The following GRID2 variants were observed in gnomAD, a reference collection of about 807,000 sequenced individuals.
GRID2 encodes the protein glutamate receptor ionotropic, delta-2.
In GRID2, 33 loss-of-function variants were observed where a neutral mutation model predicts 114.8. The observed-to-expected ratio is 0.29, with a 90% CI of 0.22 to 0.38. The LOEUF (loss-of-function observed/expected upper bound fraction) is 0.38. GRID2 is among the 10% of genes least tolerant of loss of function. GRID2 has a pLI of 1.00. For missense variants in GRID2, 1,184 were observed against 1,257.7 expected (o/e 0.94, Z 0.89); for synonymous variants, 505 against 449.9 (o/e 1.12, Z -1.55).
In GRID2 at chr4:92,705,968, CATT is replaced by C. The variant is rs528723025; in HGVS notation, c.244+115687_244+115689del. On this transcript the variant is annotated intron_variant, in intron 2 of 15. Coordinates refer to ENST00000282020, the MANE Select transcript of GRID2 (RefSeq NM_001510.4). ...CCAGGTCCCTGAACTCCAGCATTCT[CATT>C]ATTAGAGTGAAACGTTAGTGACAAA... is the stretch of plus-strand genomic sequence containing the variant. Among the ~76,000 whole-genome samples the C allele has an allele frequency of 4.8e-3, 727 of 152,240 alleles. 8 individuals carry two copies. The highest frequency in any genetic ancestry group is 0.015 in the African/African-American group (630 of 41,544).
intron 1 of GRID2, among the ~76,000 whole-genome samples, chr4:92,411,341 T>C (rs1731288931): frequency 6.6e-6 from 1 of 152,190 alleles, no homozygotes; most frequent in East Asian, 1.9e-4. Flanking sequence ...TTGCTTCATA[T>C]TTACCTTAAT....
intron 1 of GRID2, among the ~76,000 whole-genome samples, chr4:92,498,872 T>G (rs1723527425): frequency 6.7e-6 from 1 of 150,292 alleles, no homozygotes. Context: ...ATCATGGAAA[T>G]TTGAATTTAT....
chr4:92,870,342 G>A (rs1387046715), intron 2 of GRID2, among the ~76,000 whole-genome samples: 2 of 151,802 alleles, frequency 1.3e-5, no homozygotes, highest in Non-Finnish European at 2.9e-5. Flanking sequence ...TTCCACAGGA[G>A]TTTAAGCTCC....
In GRID2 at chr4:93,342,651, T is replaced by G. The variant is rs369673868; in HGVS notation, c.1246-52956T>G. Among the ~76,000 whole-genome samples, 137 of 152,294 alleles carry G rather than the reference T, an allele frequency of 9.0e-4. 1 individual carries two copies. The highest frequency in any genetic ancestry group is 3.1e-3 in the African/African-American group (130 of 41,564). On this transcript the variant is annotated intron_variant, in intron 8 of 15. Coordinates refer to ENST00000282020, the MANE Select transcript of GRID2 (RefSeq NM_001510.4). ...AGGAATAGGCACTAAAATGAATGAT[T>G]TGTATATAAAACCTAGTATTAAAAT...
chr4:92,532,854 C>G (rs564832138), intron 1 of GRID2, among the ~76,000 whole-genome samples: 1 of 152,210 alleles, frequency 6.6e-6, no homozygotes, highest in Admixed American at 6.5e-5. Context: ...AGGAAGATTG[C>G]TTGAGCCCAG....
chr4:92,308,323 T>C (rs1725519487), intron 1 of GRID2, among the ~76,000 whole-genome samples: 1 of 152,188 alleles, frequency 6.6e-6, no homozygotes, highest in Non-Finnish European at 1.5e-5. Context: ...AAATTAGCTG[T>C]CCTCAGTTAT....
At chr4:92,450,892 C>A (rs1720889726) in intron 1 of GRID2, among the ~76,000 whole-genome samples, 1 of 140,710 alleles carries the variant, frequency 7.1e-6, no homozygotes, top group African/African-American at 2.7e-5. Flanking sequence ...AATAAATATT[C>A]AAATAAAATA....
chr4:92,611,018 CTGTGTGTG>C (rs34268472), intron 2 of GRID2, among the ~76,000 whole-genome samples: 16 of 146,700 alleles, frequency 1.1e-4, no homozygotes, highest in Non-Finnish European at 2.3e-4. Context: ...ATTGAATAGT[CTGTGTGTG>C]TGTGTGTGTG....
chr4:93,582,260 G>A (rs764335298), intron 13 of GRID2, among the ~76,000 whole-genome samples: 4 of 152,132 alleles, frequency 2.6e-5, no homozygotes, highest in Non-Finnish European at 2.9e-5. Flanking sequence ...CAACAGCATC[G>A]TATCATCCAA....
At chr4:93,549,299 A>C (rs1343900774) in intron 13 of GRID2, among the ~76,000 whole-genome samples, 1 of 152,220 alleles carries the variant, frequency 6.6e-6, no homozygotes, top group Non-Finnish European at 1.5e-5. Context: ...GGATGTAGAG[A>C]ATACTCTTTG....
chr4:92,836,413 TAAG>T (rs1243442833), intron 2 of GRID2, among the ~76,000 whole-genome samples: 1 of 152,108 alleles, frequency 6.6e-6, no homozygotes, highest in Non-Finnish European at 1.5e-5. Context: ...TTAGTATTAT[TAAG>T]AAAATAGTTT....
At chr4:92,475,116 T>G (rs1722234805) in intron 1 of GRID2, among the ~76,000 whole-genome samples, 1 of 124,290 alleles carries the variant, frequency 8.0e-6, no homozygotes, top group African/African-American at 3.4e-5. Flanking sequence ...ACTTAAAGTA[T>G]AATAATAATA....
chr4:93,053,586 T>A (rs1379242049), intron 2 of GRID2, among the ~76,000 whole-genome samples: 1 of 151,972 alleles, frequency 6.6e-6, no homozygotes, highest in Non-Finnish European at 1.5e-5. Context: ...GGCATGCATT[T>A]TAAAGAAAAG....
At position 93,750,770 on chromosome 4, in the gene GRID2, G is replaced by C. The variant is rs139762735; in HGVS notation, c.2361-18440G>C. On this transcript the variant is annotated intron_variant, in intron 14 of 15. Transcript: ENST00000282020. ...GACTCCGTCTCAAAAAAAACAAAAA[G>C]GTGGTCTTGACCAGGCATCGAGACA... 4.6e-3 allele frequency among the ~76,000 whole-genome samples: 693 copies of C among 152,082 alleles called. 6 individuals carry two copies. Among genetic ancestry groups the C allele is most frequent in the African/African-American group, 0.016 (652 of 41,486 alleles).
At chr4:92,754,156 A>C (rs974435839) in intron 2 of GRID2, among the ~76,000 whole-genome samples, 3 of 152,206 alleles carry the variant, frequency 2.0e-5, no homozygotes, top group Non-Finnish European at 4.4e-5. Context: ...AAGGGCATGT[A>C]ATGGGTGTCT....
chr4:92,419,817 A>G (rs1449828597), intron 1 of GRID2, among the ~76,000 whole-genome samples: 1 of 152,118 alleles, frequency 6.6e-6, no homozygotes, highest in Non-Finnish European at 1.5e-5. Context: ...ATTCTAGGAC[A>G]TTTATTTCAG....
At chr4:93,253,618 A>C (rs1167366803) in intron 8 of GRID2, among the ~76,000 whole-genome samples, 3 of 152,154 alleles carry the variant, frequency 2.0e-5, no homozygotes, top group Non-Finnish European at 2.9e-5. Flanking sequence ...GTATATAAAT[A>C]ACTGAAGAAG....
At chr4:93,661,295 A>T (rs1723468295) in intron 14 of GRID2, among the ~76,000 whole-genome samples, 1 of 152,228 alleles carries the variant, frequency 6.6e-6, no homozygotes, top group Admixed American at 6.5e-5. Flanking sequence ...AGGTCAAACA[A>T]GGTGATATTC....
At chr4:92,588,459 G>A (rs1414674111) in intron 1 of GRID2, among the ~76,000 whole-genome samples, 1 of 151,700 alleles carries the variant, frequency 6.6e-6, no homozygotes, top group Admixed American at 6.6e-5. Context: ...GGTGGATCAC[G>A]ATGTCAGGAG....
Sources: allele counts gnomAD v4.1 joint callset (sites outside exome capture counted in the v4.1 genomes callset), GRCh38; gene constraint gnomAD v4.1.1; transcripts MANE v1.5; gene names NCBI Gene and HGNC (gene_info 2026-07-23, HGNC 2026-07-21).